The following HSD17B12 variants were observed in gnomAD, a reference collection of about 807,000 sequenced individuals.
HSD17B12 encodes very-long-chain 3-oxoacyl-CoA reductase.
A neutral mutation model predicts 39.3 loss-of-function variants in HSD17B12; 32 were observed. The ratio of observed to expected loss-of-function variants is 0.81; its 90% CI spans 0.61 to 1.09. HSD17B12 has a LOEUF of 1.09. Ranked by LOEUF, HSD17B12 falls within the 50% of genes least tolerant of loss-of-function variation. The probability of loss-of-function intolerance (pLI) is 0.00; values close to 1 mark genes in which losing one functional copy is unlikely to be tolerated. For missense variants in HSD17B12, 342 were observed against 382.9 expected, an observed-to-expected ratio of 0.89 and a Z score of 0.89; for synonymous variants, 150 against 146.7, an observed-to-expected ratio of 1.02 and a Z score of -0.16.
rs1348912456 is a variant in HSD17B12, at chr11:43,778,132, A to G, written c.284-20188A>G. Among the ~76,000 whole-genome samples the G allele has an allele frequency of 4.6e-5, 7 of 152,316 alleles. No individual in the cohort carries two copies. The East Asian group carries it at 1.2e-3, about 25-fold the overall frequency. On this transcript the variant is annotated intron_variant, in intron 3 of 10. Transcript: ENST00000278353. ...AAGAGAGAAGAATCAAATAGACACA[A>G]TAAAAAATGATAAAGGGGATATCAC...
At chr11:43,578,081 G>A in the HSD17B12 span, among the ~76,000 whole-genome samples, 1 of 152,168 alleles carries the variant, frequency 6.6e-6, no homozygotes, top group Non-Finnish European at 1.5e-5. Context: ...TCCAGGAGAG[G>A]GAGAATAAAA....
chr11:43,766,343 A>T (rs1414518329), intron 3 of HSD17B12, among the ~76,000 whole-genome samples: 1 of 152,008 alleles, frequency 6.6e-6, no homozygotes, highest in Non-Finnish European at 1.5e-5. Flanking sequence ...CATAGGGCTC[A>T]CCTCATTTGT....
At chr11:43,623,816 G>T in the HSD17B12 span, among the ~76,000 whole-genome samples, 1 of 151,910 alleles carries the variant, frequency 6.6e-6, no homozygotes, top group Admixed American at 6.6e-5. Context: ...CATAGTTCCG[G>T]ATCACCACTG....
intron 3 of HSD17B12, among the ~76,000 whole-genome samples, chr11:43,782,305 A>G (rs1950773610): frequency 6.6e-6 from 1 of 152,218 alleles, no homozygotes. Flanking sequence ...ATCCAGCTTG[A>G]AGGGATGCTA....
intron 3 of HSD17B12, among the ~76,000 whole-genome samples, chr11:43,757,661 A>C (rs1288468508): frequency 3.5e-5 from 5 of 143,988 alleles, no homozygotes; most frequent in Non-Finnish European, 7.6e-5. Context: ...AAAAAAAAAA[A>C]AAAAAACAAA....
At chr11:43,753,162 T>C (rs1031945580) in intron 2 of HSD17B12, among the ~76,000 whole-genome samples, 2 of 152,210 alleles carry the variant, frequency 1.3e-5, no homozygotes, top group Admixed American at 6.5e-5. Flanking sequence ...TTTTTCATTA[T>C]GTACAACACT....
the HSD17B12 span, among the ~76,000 whole-genome samples, chr11:43,630,499 G>A: frequency 2.0e-4 from 30 of 152,120 alleles, no homozygotes; most frequent in Non-Finnish European, 4.0e-4. Context: ...TACTACCTTG[G>A]AGGGTACTCC....
At chr11:43,730,439 G>A (rs1246401832) in intron 1 of HSD17B12, among the ~76,000 whole-genome samples, 1 of 152,122 alleles carries the variant, frequency 6.6e-6, no homozygotes, top group Admixed American at 6.6e-5. Flanking sequence ...CCAAAAAGTA[G>A]AAAGAGGATC....
At chr11:43,613,373 C>G in the HSD17B12 span, among the ~76,000 whole-genome samples, 1,339 of 150,960 alleles carry the variant, frequency 8.9e-3, 17 homozygotes, top group African/African-American at 0.031. Context: ...GCCTGGCTAA[C>G]AGAGGGGAAC....
the HSD17B12 span, among the ~76,000 whole-genome samples, chr11:43,603,671 A>C: frequency 0.011 from 1,648 of 152,338 alleles, 31 homozygotes; most frequent in African/African-American, 0.037. Context: ...CTCTTAAAAA[A>C]TAAAACCTTC....
Position 43,831,046 on chromosome 11 carries a change from C to T in HSD17B12, c.536+36C>T. 8.9e-6 allele frequency: 14 copies of T among 1,578,482 alleles called. No homozygotes were observed. The highest frequency in any genetic ancestry group is 1.4e-5 in the African/African-American group (1 of 73,518). On this transcript the variant is annotated intron_variant, in intron 7 of 10. Coordinates refer to ENST00000278353, the MANE Select transcript of HSD17B12 (RefSeq NM_016142.3). The surrounding 1 kb of genome is among the most constrained non-coding windows in gnomAD (Gnocchi z 4.1). ...AGCTCACATACAAACACTGTGGAAGCAGAGCTCATGATTATTTAGAGGGAG... is the reference window on the plus strand; with the variant it reads ...AGCTCACATACAAACACTGTGGAAGTAGAGCTCATGATTATTTAGAGGGAG...
the HSD17B12 span, among the ~76,000 whole-genome samples, chr11:43,622,242 A>T: frequency 1.0e-3 from 154 of 152,278 alleles, no homozygotes; most frequent in African/African-American, 3.4e-3. Flanking sequence ...ACATGTACGG[A>T]ATAAGGAGTT....
chr11:43,819,801 CT>C (rs1339198744), intron 6 of HSD17B12, among the ~76,000 whole-genome samples: 1 of 152,156 alleles, frequency 6.6e-6, no homozygotes, highest in Non-Finnish European at 1.5e-5. Context: ...TTTTGCAAAC[CT>C]AATCCCATTT....
the HSD17B12 span, among the ~76,000 whole-genome samples, chr11:43,587,569 T>C: frequency 2.6e-5 from 4 of 152,224 alleles, no homozygotes; most frequent in Non-Finnish European, 4.4e-5. Flanking sequence ...GGAACTTAGT[T>C]AATACTGCAA....
rs188251802 is a variant in HSD17B12 at position 43,714,223 on chromosome 11, C to T, written c.160+33236C>T. 3.6e-3 allele frequency among the ~76,000 whole-genome samples: 543 copies of T among 152,244 alleles called. 3 individuals are homozygous for T. The highest frequency in any genetic ancestry group is 0.034 in the East Asian group (177 of 5,184). On this transcript the variant is annotated intron_variant, in intron 1 of 10. Transcript: ENST00000278353. ...CATGCCTATGTCCTGAATGGTATTGCCTAGGTTTTCTTCTAGGGTTTTTAT... is the reference window on the plus strand; with the variant it reads ...CATGCCTATGTCCTGAATGGTATTGTCTAGGTTTTCTTCTAGGGTTTTTAT...
chr11:43,843,966 A>G (rs539098725), intron 9 of HSD17B12, among the ~76,000 whole-genome samples: 1 of 151,170 alleles, frequency 6.6e-6, no homozygotes, highest in African/African-American at 2.4e-5. Context: ...ATCACAGAAA[A>G]CTCTGGTTGT....
At chr11:43,779,154 C>T (rs557716353) in intron 3 of HSD17B12, among the ~76,000 whole-genome samples, 253 of 152,212 alleles carry the variant, frequency 1.7e-3, no homozygotes, top group African/African-American at 5.9e-3. Context: ...TATCTTTTAT[C>T]ACTTTGTCTT....
chr11:43,843,311 GT>G (rs1190900896), intron 9 of HSD17B12, among the ~76,000 whole-genome samples: 1 of 152,122 alleles, frequency 6.6e-6, no homozygotes, highest in Non-Finnish European at 1.5e-5. Context: ...AAAATGATTG[GT>G]TTTTCTTTGG....
chr11:43,778,101 GAAAA>G (rs1389859489), intron 3 of HSD17B12, among the ~76,000 whole-genome samples: 1 of 151,642 alleles, frequency 6.6e-6, no homozygotes, highest in East Asian at 1.9e-4. Flanking sequence ...GACTAATAAA[GAAAA>G]AAAGAGAGAA....
Sources: allele counts gnomAD v4.1 joint callset (sites outside exome capture counted in the v4.1 genomes callset), GRCh38; gene constraint gnomAD v4.1.1; non-coding constraint Gnocchi (gnomAD v3.1); transcripts MANE v1.5; gene names NCBI Gene and HGNC (gene_info 2026-07-23, HGNC 2026-07-21).